The following ZNF721 variants were observed in gnomAD, a reference collection of about 807,000 sequenced individuals.
The protein encoded by ZNF721 is zinc finger protein 721.
ZNF721 carries 2 observed loss-of-function variants against 2.4 expected under a neutral mutation model. The ratio of observed to expected loss-of-function variants is 0.82; its 90% CI spans 0.34 to 2.58. The LOEUF (loss-of-function observed/expected upper bound fraction) is 2.58. ZNF721 is among the 30% of genes most tolerant of loss of function. The probability of loss-of-function intolerance (pLI) is 0.11; values close to 1 mark genes in which losing one functional copy is unlikely to be tolerated. For missense variants in ZNF721, 1,187 were observed against 1,085.5 expected, an observed-to-expected ratio of 1.09 and a Z score of -1.31; for synonymous variants, 398 against 381.8, an observed-to-expected ratio of 1.04 and a Z score of -0.50.
chr4:449,212 A>AT lies in ZNF721; in HGVS notation c.35-4781dup, dbSNP rs139514807. ...AAATATATGATTGTAAAGTTTCAGC[A>AT]TTTTTGAAAACAAAAATAATATCTA... On this transcript the variant is annotated intron_variant, in intron 2 of 2. Transcript: ENST00000511833. Among the ~76,000 whole-genome samples, 610 of 152,296 alleles carry AT rather than the reference A, an allele frequency of 4.0e-3. 3 individuals carry two copies. The highest frequency in any genetic ancestry group is 0.014 in the African/African-American group (596 of 41,582).
At chr4:463,173 C>T (rs1166099229) in intron 2 of ZNF721, among the ~76,000 whole-genome samples, 7 of 152,138 alleles carry the variant, frequency 4.6e-5, no homozygotes, top group Non-Finnish European at 5.9e-5. Flanking sequence ...CGTCACTGGT[C>T]GTTAGAGAAA....
chr4:477,111 C>G (rs1246375448), intron 1 of ZNF721, among the ~76,000 whole-genome samples: 1 of 152,178 alleles, frequency 6.6e-6, no homozygotes, highest in Non-Finnish European at 1.5e-5. Context: ...GGTCCTGCAA[C>G]AGGAATATTG....
chr4:484,627 T>C (rs797034764), intron 1 of ZNF721, among the ~76,000 whole-genome samples: 94 of 152,302 alleles, frequency 6.2e-4, no homozygotes, highest in African/African-American at 2.0e-3. Context: ...TGAAATAGAC[T>C]CCAGTCTCCC....
chr4:470,037 C>G (rs1442858866), intron 2 of ZNF721, among the ~76,000 whole-genome samples: 4 of 152,140 alleles, frequency 2.6e-5, no homozygotes, highest in African/African-American at 9.7e-5. Context: ...CATCCGCCAC[C>G]ATGCCCAGCT....
chr4:464,579 TGTA>T (rs1456441333), intron 2 of ZNF721, among the ~76,000 whole-genome samples: 3 of 151,470 alleles, frequency 2.0e-5, no homozygotes, highest in Admixed American at 6.6e-5. Flanking sequence ...TACATAATAA[TGTA>T]ATATAAAAAG....
intron 2 of ZNF721, among the ~76,000 whole-genome samples, chr4:452,001 C>T (rs73792202): frequency 0.014 from 2,152 of 152,240 alleles, 65 homozygotes; most frequent in African/African-American, 0.049. Flanking sequence ...GGTAATTTCC[C>T]GGTATAGATG....
At position 442,644 on chromosome 4, in the gene ZNF721, G is replaced by T. The variant is rs782003278; in HGVS notation, c.1823C>A (p.Thr608Asn). 3 of 1,613,910 alleles carry T rather than the reference G, an allele frequency of 1.9e-6. No homozygotes were observed. The highest frequency in any genetic ancestry group is 1.1e-5 in the South Asian group (1 of 91,062). Reference protein sequence around the residue: ...TDLNQHKKIHTGEKLYKCEEC... With the variant: ...TDLNQHKKIHNGEKLYKCEEC... ...TTCACATTTGTAAAGTTTCTCTCCA[G>T]TATGAATTTTCTTGTGTTGATTCAG... The change falls in exon 3 of 3, where the codon ACT (threonine) becomes AAT (asparagine). Residue 608 changes from threonine (T) to asparagine (N), a missense_variant. Transcript: ENST00000511833.
intron 2 of ZNF721, among the ~76,000 whole-genome samples, chr4:460,712 A>C (rs1258893554): frequency 6.6e-6 from 1 of 152,156 alleles, no homozygotes; most frequent in Non-Finnish European, 1.5e-5. Context: ...CAACACTACC[A>C]AAGAAGAAAA....
intron 2 of ZNF721, among the ~76,000 whole-genome samples, chr4:454,646 A>G (rs1382139600): frequency 2.0e-5 from 3 of 152,086 alleles, no homozygotes; most frequent in Admixed American, 6.6e-5. Context: ...TGCCTTCCCC[A>G]TGTATCTGTA....
At chr4:446,688 CTTTTT>C (rs555227271) in intron 2 of ZNF721, among the ~76,000 whole-genome samples, 1 of 147,138 alleles carries the variant, frequency 6.8e-6, no homozygotes, top group Non-Finnish European at 1.5e-5. Flanking sequence ...CCCGAATTTT[CTTTTT>C]TTTTTCTTTT....
At chr4:453,829 A>C (rs114963709) in intron 2 of ZNF721, 1 of 152,262 alleles carries the variant, frequency 6.6e-6, no homozygotes, top group Non-Finnish European at 1.5e-5. Context: ...CAAACCAAGC[A>C]ATCTATTTAT....
rs1714212646 is a variant in ZNF721, at chr4:440,925, CAA to C, written c.*768_*769del. Reference sequence around the variant, plus strand: ...AGGTGATCCACCCTCCTTGGCCTCCCAAAGTGTTGGGATTACAGGCGTGAGCC... The same window carrying C: ...AGGTGATCCACCCTCCTTGGCCTCCCAGTGTTGGGATTACAGGCGTGAGCC... On this transcript the variant is annotated 3_prime_UTR_variant, in exon 3 of 3. Coordinates refer to ENST00000511833, the MANE Select transcript of ZNF721 (RefSeq NM_133474.4). 2 of 152,432 alleles carry C rather than the reference CAA, an allele frequency of 1.3e-5. No individual in the cohort carries two copies. Among genetic ancestry groups the C allele is most frequent in the South Asian group, 4.1e-4 (2 of 4,832 alleles). The allele number at this position is 152,432 out of a possible 1,614,324, so 9.4% of individuals were successfully genotyped here.
intron 1 of ZNF721, among the ~76,000 whole-genome samples, chr4:488,277 T>C (rs781801866): frequency 2.6e-5 from 4 of 152,212 alleles, no homozygotes; most frequent in African/African-American, 7.2e-5. Flanking sequence ...ACACTCACGG[T>C]CTTCCTTCTG....
At chr4:473,962 C>T (rs1553868160) in intron 1 of ZNF721, 1 of 1,506,510 alleles carries the variant, frequency 6.6e-7, no homozygotes, top group Non-Finnish European at 9.0e-7. Context: ...CCTTGGGACG[C>T]CCTGCCCCGC....
chr4:488,635 T>C (rs1213237749), intron 1 of ZNF721, among the ~76,000 whole-genome samples: 2 of 152,036 alleles, frequency 1.3e-5, no homozygotes, highest in African/African-American at 2.4e-5. Flanking sequence ...ATTGAGACCA[T>C]CCTGGCCAAC....
chr4:469,420 CTAAA>C (rs1715359110), intron 2 of ZNF721, among the ~76,000 whole-genome samples: 3 of 152,074 alleles, frequency 2.0e-5, no homozygotes, highest in East Asian at 1.9e-4. Context: ...AATGTATACA[CTAAA>C]TACAATAATG....
rs569846559 is a variant in ZNF721, at chr4:473,957, G to A, written c.-93-1256C>T. 2.6e-5 allele frequency: 39 copies of A among 1,505,738 alleles called. No individual in the cohort carries two copies. In the Middle Eastern group the frequency reaches 5.5e-4, roughly 21 times the overall value. 93.3% of individuals were successfully genotyped at this position (1,505,738 alleles called of 1,614,324 possible). A position where few individuals can be genotyped will look rare whatever the true frequency, so the allele number is the denominator to read the frequency against. On this transcript the variant is annotated intron_variant, in intron 1 of 2. Transcript: ENST00000511833. ...TTCTGATGAGGCCTCCCCAGCCTTG[G>A]GACGCCCTGCCCCGCACACTCACCA...
chr4:472,532 C>T (rs1553867834), intron 2 of ZNF721, 43 bp downstream of exon 2: 1 of 1,569,344 alleles, frequency 6.4e-7, no homozygotes, highest in Non-Finnish European at 8.6e-7. Flanking sequence ...GAAAATAAAA[C>T]TCAGAGGGAG....
At chr4:465,740 C>G (rs115770394) in intron 2 of ZNF721, among the ~76,000 whole-genome samples, 1 of 150,852 alleles carries the variant, frequency 6.6e-6, no homozygotes, top group Admixed American at 6.6e-5. Flanking sequence ...GGCCAAGCTA[C>G]GCTTTTATAA....
Sources: allele counts gnomAD v4.1 joint callset (sites outside exome capture counted in the v4.1 genomes callset), GRCh38; gene constraint gnomAD v4.1.1; transcripts MANE v1.5; gene names NCBI Gene and HGNC (gene_info 2026-07-23, HGNC 2026-07-21).